The following CFAP299 variants were observed in gnomAD, a reference collection of about 807,000 sequenced individuals.
The protein encoded by CFAP299 is cilia and flagella associated protein 299.
A neutral mutation model predicts 27.0 loss-of-function variants in CFAP299; 21 were observed. The ratio of observed to expected loss-of-function variants is 0.78; its 90% CI spans 0.55 to 1.12. The LOEUF (loss-of-function observed/expected upper bound fraction) is 1.12. Among genes scored for constraint, CFAP299 ranks in the 50% most tolerant of loss-of-function variants. The pLI is 0.00. For synonymous variants in CFAP299, 104 were observed against 98.1 expected, an observed-to-expected ratio of 1.06 and a Z score of -0.36; for missense variants, 310 against 276.6, an observed-to-expected ratio of 1.12 and a Z score of -0.86.
At chr4:80,893,823 T>C (rs1734469472) in intron 4 of CFAP299, among the ~76,000 whole-genome samples, 1 of 151,814 alleles carries the variant, frequency 6.6e-6, no homozygotes, top group South Asian at 2.1e-4. Flanking sequence ...TTTTTAGATA[T>C]GAACCAGCAA....
intron 3 of CFAP299, among the ~76,000 whole-genome samples, chr4:80,746,494 A>T (rs1282597800): frequency 6.6e-6 from 1 of 152,066 alleles, no homozygotes; most frequent in Non-Finnish European, 1.5e-5. Flanking sequence ...GTTTCACTAG[A>T]ATGACATTAT....
At chr4:80,629,838 C>T (rs1382720442) in intron 3 of CFAP299, among the ~76,000 whole-genome samples, 1 of 149,940 alleles carries the variant, frequency 6.7e-6, no homozygotes, top group African/African-American at 2.4e-5. Context: ...CATGATTATG[C>T]CATTGTGCTT....
At chr4:80,790,741 T>G (rs370163565) in intron 3 of CFAP299, among the ~76,000 whole-genome samples, 1 of 152,132 alleles carries the variant, frequency 6.6e-6, no homozygotes, top group South Asian at 2.1e-4. Context: ...GGTGCTCTAT[T>G]ATAGCAGCCC....
intron 3 of CFAP299, among the ~76,000 whole-genome samples, chr4:80,768,060 G>C (rs138887842): frequency 0.013 from 2,024 of 152,282 alleles, 18 homozygotes; most frequent in Middle Eastern, 0.027. Flanking sequence ...AAATATATTT[G>C]TGCTTCAATT....
At chr4:80,792,337 T>C (rs1234696189) in intron 3 of CFAP299, among the ~76,000 whole-genome samples, 1 of 152,082 alleles carries the variant, frequency 6.6e-6, no homozygotes, top group African/African-American at 2.4e-5. Flanking sequence ...ATTTTGAACT[T>C]TCTGAGTTGC....
chr4:80,354,912 A>G (rs1017593519), intron 1 of CFAP299, among the ~76,000 whole-genome samples: 1 of 152,122 alleles, frequency 6.6e-6, no homozygotes, highest in Non-Finnish European at 1.5e-5. Context: ...TTCTTTATCC[A>G]GTTGGTAATT....
chr4:80,800,747 GT>G, intron 3 of CFAP299, among the ~76,000 whole-genome samples: 1 of 420 alleles, frequency 2.4e-3, no homozygotes, highest in Non-Finnish European at 0.029. Context: ...TATATAATCA[GT>G]GTGTGTGTGT....
chr4:80,908,315 A>G (rs1328006333), intron 4 of CFAP299, among the ~76,000 whole-genome samples: 1 of 152,236 alleles, frequency 6.6e-6, no homozygotes, highest in East Asian at 1.9e-4. Context: ...ATAGCCACAG[A>G]ATACAAAGTC....
chr4:80,672,696 A>T (rs1251735657), intron 3 of CFAP299, among the ~76,000 whole-genome samples: 1 of 152,184 alleles, frequency 6.6e-6, no homozygotes, highest in East Asian at 1.9e-4. Flanking sequence ...TTATTGGTCT[A>T]TTCAGAGATT....
At chr4:80,890,912 G>GT (rs1206740979) in intron 4 of CFAP299, among the ~76,000 whole-genome samples, 1 of 146,228 alleles carries the variant, frequency 6.8e-6, no homozygotes, top group African/African-American at 2.5e-5. Flanking sequence ...GGGGTTGTTT[G>GT]TTTTTTTCTT....
At chr4:80,689,862 T>C (rs183903914) in intron 3 of CFAP299, among the ~76,000 whole-genome samples, 1 of 151,230 alleles carries the variant, frequency 6.6e-6, no homozygotes, top group East Asian at 1.9e-4. Flanking sequence ...ACCAAGCAAA[T>C]GGAAAACAAA....
chr4:80,658,184 C>G (rs1397157565), intron 3 of CFAP299, among the ~76,000 whole-genome samples: 11 of 152,118 alleles, frequency 7.2e-5, no homozygotes, highest in Non-Finnish European at 1.5e-5. Flanking sequence ...CAAACAGGGA[C>G]AATTTGACTT....
chr4:80,501,810 G>GT (rs1172803465), intron 2 of CFAP299, among the ~76,000 whole-genome samples: 2 of 151,448 alleles, frequency 1.3e-5, no homozygotes, highest in African/African-American at 4.8e-5. Context: ...AGCATACAAA[G>GT]TATAGTACTT....
intron 3 of CFAP299, among the ~76,000 whole-genome samples, chr4:80,718,957 G>A (rs746699723): frequency 3.9e-5 from 6 of 152,068 alleles, no homozygotes; most frequent in Non-Finnish European, 7.4e-5. Context: ...ATACTATGCA[G>A]CCATAAAAAA....
chr4:80,641,102 A>C (rs1739699967), intron 3 of CFAP299, among the ~76,000 whole-genome samples: 1 of 152,212 alleles, frequency 6.6e-6, no homozygotes, highest in South Asian at 2.1e-4. Context: ...AGCATATTTT[A>C]ACTGAATATG....
intron 3 of CFAP299, among the ~76,000 whole-genome samples, chr4:80,761,970 A>G (rs1323784068): frequency 6.6e-6 from 1 of 152,076 alleles, no homozygotes; most frequent in African/African-American, 2.4e-5. Context: ...GAAGAATAAA[A>G]AATACAAAAA....
chr4:80,562,936 TAAG>T (rs1396839642), intron 2 of CFAP299, among the ~76,000 whole-genome samples: 5 of 151,984 alleles, frequency 3.3e-5, no homozygotes, highest in African/African-American at 1.2e-4. Context: ...ACAAAAATTA[TAAG>T]AAGATACAAA....
intron 3 of CFAP299, among the ~76,000 whole-genome samples, chr4:80,615,903 G>A (rs1004281348): frequency 2.1e-4 from 32 of 152,036 alleles, no homozygotes; most frequent in African/African-American, 7.7e-4. Context: ...CTCCTTCAAA[G>A]TATTATACCT....
chr4:80,324,138 C>T, the CFAP299 span, among the ~76,000 whole-genome samples: 1 of 152,112 alleles, frequency 6.6e-6, no homozygotes, highest in Non-Finnish European at 1.5e-5. Flanking sequence ...ACTCCCCTTG[C>T]CCCCAACCCC....
Sources: allele counts gnomAD v4.1 joint callset (sites outside exome capture counted in the v4.1 genomes callset), GRCh38; gene constraint gnomAD v4.1.1; transcripts MANE v1.5; gene names NCBI Gene and HGNC (gene_info 2026-07-23, HGNC 2026-07-21).